The following FANK1 variants were observed in gnomAD, a reference collection of about 807,000 sequenced individuals.
FANK1 encodes the protein fibronectin type III and ankyrin repeat domains 1.
Under a neutral mutation model 45.3 loss-of-function variants are expected in FANK1, and 44 were observed. The observed-to-expected ratio is 0.97, with a 90% CI of 0.76 to 1.25. FANK1 has a LOEUF of 1.25. Among genes scored for constraint, FANK1 ranks in the 50% most tolerant of loss-of-function variants. The pLI is 0.00. For missense variants in FANK1, 391 were observed against 424.4 expected, an observed-to-expected ratio of 0.92 and a Z score of 0.69; for synonymous variants, 149 against 152.5, an observed-to-expected ratio of 0.98 and a Z score of 0.17.
intron 1 of FANK1, among the ~76,000 whole-genome samples, chr10:125,923,357 A>G (rs924647281): frequency 4.6e-5 from 7 of 151,488 alleles, no homozygotes; most frequent in Admixed American, 4.6e-4. Flanking sequence ...GCTACTTGGG[A>G]GGCTGAGGTG....
chr10:125,910,132 C>T (rs1945872528), intron 1 of FANK1, among the ~76,000 whole-genome samples: 1 of 151,954 alleles, frequency 6.6e-6, no homozygotes, highest in Non-Finnish European at 1.5e-5. Flanking sequence ...ACCTGAAGCA[C>T]TTGTGGGTTT....
intron 1 of FANK1, among the ~76,000 whole-genome samples, chr10:125,964,521 T>C (rs1001174181): frequency 6.6e-6 from 1 of 152,152 alleles, no homozygotes; most frequent in African/African-American, 2.4e-5. Context: ...ACATAACGTT[T>C]TACAACTTTC....
At chr10:125,963,930 G>A (rs550618165) in intron 1 of FANK1, among the ~76,000 whole-genome samples, 1 of 151,988 alleles carries the variant, frequency 6.6e-6, no homozygotes, top group African/African-American at 2.4e-5. Context: ...TTGCAGTGCA[G>A]CTTACCTGGA....
intron 1 of FANK1, among the ~76,000 whole-genome samples, chr10:125,978,550 C>T (rs1950992757): frequency 6.6e-6 from 1 of 152,142 alleles, no homozygotes; most frequent in East Asian, 1.9e-4. Flanking sequence ...TTGGAAGGTC[C>T]TGCCCAGTGA....
intron 1 of FANK1, among the ~76,000 whole-genome samples, chr10:125,909,481 G>C (rs1229100937): frequency 6.7e-6 from 1 of 148,306 alleles, no homozygotes; most frequent in Non-Finnish European, 1.5e-5. Flanking sequence ...TGGGATTTTT[G>C]AGATGGATGC....
chr10:125,909,686 CT>C (rs34854157), intron 1 of FANK1, among the ~76,000 whole-genome samples: 26,266 of 103,234 alleles, frequency 0.25, 1,705 homozygotes, highest in East Asian at 0.34. Flanking sequence ...GACCAATTAA[CT>C]TTTTTTTTTT....
At chr10:125,979,629 G>C (rs1951072969) in intron 1 of FANK1, among the ~76,000 whole-genome samples, 1 of 152,182 alleles carries the variant, frequency 6.6e-6, no homozygotes, top group African/African-American at 2.4e-5. Context: ...CATCTTTCCA[G>C]ATATTACCTT....
At chr10:125,912,565 T>A (rs901383898) in intron 1 of FANK1, among the ~76,000 whole-genome samples, 3 of 152,162 alleles carry the variant, frequency 2.0e-5, no homozygotes, top group Non-Finnish European at 4.4e-5. Flanking sequence ...TTTTTAAATA[T>A]CCTGGTTAAT....
chr10:125,969,953 A>G (rs1239367263), intron 1 of FANK1, among the ~76,000 whole-genome samples: 4 of 152,250 alleles, frequency 2.6e-5, no homozygotes, highest in African/African-American at 7.2e-5. Context: ...GTAAGGTTAT[A>G]TATTAACAGC....
intron 1 of FANK1, among the ~76,000 whole-genome samples, chr10:125,944,153 G>A (rs182195397): frequency 1.3e-5 from 2 of 152,290 alleles, no homozygotes; most frequent in Admixed American, 6.5e-5. Context: ...TGATTTTTCT[G>A]TTTTAGAGTA....
chr10:125,951,215 T>C (rs1198579798), intron 1 of FANK1, among the ~76,000 whole-genome samples: 1 of 149,428 alleles, frequency 6.7e-6, no homozygotes, highest in South Asian at 2.1e-4. Context: ...AATGTGCACA[T>C]GTACCCTAAA....
At chr10:125,976,603 A>G (rs1950867226) in intron 1 of FANK1, among the ~76,000 whole-genome samples, 1 of 151,286 alleles carries the variant, frequency 6.6e-6, no homozygotes, top group African/African-American at 2.4e-5. Flanking sequence ...TCAGCTGTTA[A>G]TACTTGTGAT....
At position 126,009,373 on chromosome 10, in the gene FANK1, A is replaced by T. The variant is rs1953492684; in HGVS notation, c.973A>T (p.Ser325Cys). Residue 325 changes from serine (S) to cysteine (C), a missense_variant and splice_region_variant, in exon 11 of 11, where the codon AGT becomes TGT. By Grantham distance (112) the Ser-to-Cys change is moderately radical (BLOSUM62 -1). Transcript: ENST00000368693. ...LEMARVFDRQ[S>C]VVSLLEERKK... ...TCGCCTGTCTGTTTTGTTTATCTAG[A>T]GTGTAGTCTCCTTATTAGAAGAAAG... is the stretch of plus-strand genomic sequence containing the variant. The T allele has an allele frequency of 6.2e-7, 1 of 1,613,818 alleles. No homozygotes were observed. Among genetic ancestry groups the T allele is most frequent in the Admixed American group, 1.7e-5 (1 of 59,974 alleles).
rs1564982504 is a variant in FANK1 at position 126,009,534 on chromosome 10, A to G, written c.*96A>G. On this transcript the variant is annotated 3_prime_UTR_variant, in exon 11 of 11. Coordinates refer to ENST00000368693, the MANE Select transcript of FANK1 (RefSeq NM_145235.5). The stretch of plus-strand genomic sequence containing the variant: ...AATTCTGCATCTTGGGGGGCTGTAC[A>G]TTTATTTATTTAGTTGAAGATTCAC... 4 of 1,287,214 alleles carry G rather than the reference A, an allele frequency of 3.1e-6. No individual in the cohort carries two copies. Among genetic ancestry groups the G allele is most frequent in the Admixed American group, 2.1e-5 (1 of 46,762 alleles). 79.7% of individuals were successfully genotyped at this position (1,287,214 alleles called of 1,614,324 possible).
At chr10:125,971,963 G>T (rs192346632) in intron 1 of FANK1, among the ~76,000 whole-genome samples, 1 of 152,096 alleles carries the variant, frequency 6.6e-6, no homozygotes, top group Non-Finnish European at 1.5e-5. Flanking sequence ...CTCTTAAGAG[G>T]CAGTATGGTA....
intron 1 of FANK1, among the ~76,000 whole-genome samples, chr10:125,930,077 C>T (rs573118883): frequency 9.2e-5 from 14 of 152,066 alleles, no homozygotes; most frequent in African/African-American, 3.1e-4. Flanking sequence ...TTTTTTGTGA[C>T]GAGGTCTTGC....
At chr10:125,896,914 G>T (rs558298046) in intron 1 of FANK1, among the ~76,000 whole-genome samples, 1 of 152,154 alleles carries the variant, frequency 6.6e-6, no homozygotes, top group Non-Finnish European at 1.5e-5. Context: ...CCGAGGTATG[G>T]GTGGGGAAGG....
chr10:125,915,424 C>A (rs1361069186), intron 1 of FANK1, among the ~76,000 whole-genome samples: 1 of 152,196 alleles, frequency 6.6e-6, no homozygotes, highest in African/African-American at 2.4e-5. Flanking sequence ...ATTGGCTTTC[C>A]AAGGCAGGTT....
At chr10:125,904,164 G>A (rs1399002644) in intron 1 of FANK1, among the ~76,000 whole-genome samples, 1 of 152,102 alleles carries the variant, frequency 6.6e-6, no homozygotes, top group African/African-American at 2.4e-5. Context: ...CGTAGTATTA[G>A]TAAAACCTAT....
Sources: allele counts gnomAD v4.1 joint callset (sites outside exome capture counted in the v4.1 genomes callset), GRCh38; gene constraint gnomAD v4.1.1; transcripts MANE v1.5; gene names NCBI Gene and HGNC (gene_info 2026-07-23, HGNC 2026-07-21).